The following IL12RB1 variants were observed in gnomAD, a reference collection of about 807,000 sequenced individuals.
IL12RB1 encodes interleukin 12 receptor subunit beta 1.
IL12RB1 carries 64 observed loss-of-function variants against 94.4 expected under a neutral mutation model. That is an observed-to-expected ratio of 0.68 (90% CI 0.55 to 0.83). The LOEUF is 0.83. Ranked by LOEUF, IL12RB1 falls within the 40% of genes least tolerant of loss-of-function variation. IL12RB1 has a pLI of 0.00. For missense variants in IL12RB1, 814 were observed against 855.6 expected (o/e 0.95, Z 0.61); for synonymous variants, 362 against 355.5 (o/e 1.02, Z -0.21).
At position 18,060,090 on chromosome 19, in the gene IL12RB1, A is replaced by G. The variant is rs376108993; in HGVS notation, c.1792-5T>C. 6.4e-6 allele frequency: 10 copies of G among 1,565,034 alleles called. No homozygotes were observed. The highest frequency in any genetic ancestry group is 2.7e-5 in the African/African-American group (2 of 73,946). ...TGGGTTGATCCACTGCCAAGTCTGC[A>G]GAGGGAGGGTAGGGCCACAGCTGTG... On this transcript the variant is annotated splice_polypyrimidine_tract_variant and splice_region_variant and intron_variant, in intron 15 of 16. Transcript: ENST00000593993.
In IL12RB1 at chr19:18,069,437, T is replaced by C. The variant is rs1053147832; in HGVS notation, c.1189+109A>G. 1.8e-5 allele frequency: 19 copies of C among 1,082,636 alleles called. No individual in the cohort carries two copies. In the African/African-American group the frequency reaches 2.8e-4, roughly 16 times the overall value. 67.1% of individuals were successfully genotyped at this position (1,082,636 alleles called of 1,614,324 possible). On this transcript the variant is annotated intron_variant, in intron 10 of 16. Transcript: ENST00000593993. ...GACATTGAGTAAGCAGCAACACCTCTCTGGGCCTTAGACACCCGCTGTGTG... is the reference window on the plus strand; with the variant it reads ...GACATTGAGTAAGCAGCAACACCTCCCTGGGCCTTAGACACCCGCTGTGTG...
chr19:18,097,649 G>C, intron 1 of IL12RB1: 1 of 398,612 alleles, frequency 2.5e-6, no homozygotes, highest in East Asian at 4.7e-5. Context: ...CGCCCAGTGG[G>C]GGCGGGGCCC....
At chr19:18,083,232 T>A in intron 2 of IL12RB1, 200 bp downstream of exon 2, 1 of 664,556 alleles carries the variant, frequency 1.5e-6, no homozygotes, top group East Asian at 2.7e-5. Context: ...AGTGATAATG[T>A]TCAGAGAGGC....
intron 13 of IL12RB1, 33 bp downstream of exon 13, chr19:18,063,843 G>T: frequency 6.2e-7 from 1 of 1,600,950 alleles, no homozygotes; most frequent in Non-Finnish European, 8.5e-7. Flanking sequence ...GTGCATGCTG[G>T]GTAAATAACT....
At chr19:18,083,283 G>A in intron 2 of IL12RB1, 149 bp downstream of exon 2, 2 of 789,442 alleles carry the variant, frequency 2.5e-6, no homozygotes, top group Admixed American at 1.8e-5. Flanking sequence ...GTAAGAATGG[G>A]CCAGCAGGTG....
intron 1 of IL12RB1, among the ~76,000 whole-genome samples, chr19:18,086,042 G>A (rs535506188): frequency 3.9e-5 from 6 of 151,970 alleles, no homozygotes; most frequent in South Asian, 4.2e-4. Flanking sequence ...ACAGCGAGAC[G>A]CTGTCTCTGT....
At chr19:18,075,073 C>CAACA (rs201783878) in intron 7 of IL12RB1, among the ~76,000 whole-genome samples, 6 of 150,500 alleles carry the variant, frequency 4.0e-5, no homozygotes, top group Middle Eastern at 3.2e-3. Flanking sequence ...CAACAAAAAA[C>CAACA]AACAAACAAA....
At chr19:18,083,728 GAATTCATC>G (rs1433913348) in intron 1 of IL12RB1, among the ~76,000 whole-genome samples, 3 of 146,580 alleles carry the variant, frequency 2.0e-5, no homozygotes, top group South Asian at 2.2e-4. Flanking sequence ...ATCCACCCAT[GAATTCATC>G]CATTCACCCA....
At chr19:18,063,780 G>A (rs952234872) in intron 13 of IL12RB1, 96 bp downstream of exon 13, 1 of 1,131,656 alleles carries the variant, frequency 8.8e-7, no homozygotes, top group South Asian at 1.5e-5. Flanking sequence ...GAGCCATAGA[G>A]GGAGTGAGAG....
intron 14 of IL12RB1, 149 bp downstream of exon 14, chr19:18,062,032 A>G (rs372966671): frequency 1.1e-5 from 7 of 613,368 alleles, no homozygotes; most frequent in Middle Eastern, 3.2e-4. Context: ...TGCTGCTTCA[A>G]TAAAGCTGTT....
intron 11 of IL12RB1, among the ~76,000 whole-genome samples, chr19:18,067,900 T>C (rs2034707553): frequency 6.6e-6 from 1 of 151,956 alleles, no homozygotes; most frequent in South Asian, 2.1e-4. Flanking sequence ...CTTGCTATGT[T>C]GCCCAGGCTG....
intron 11 of IL12RB1, among the ~76,000 whole-genome samples, chr19:18,067,653 A>C (rs2034689583): frequency 6.6e-6 from 1 of 152,072 alleles, no homozygotes; most frequent in African/African-American, 2.4e-5. Flanking sequence ...GATACAAAAA[A>C]TTATCCAGGC....
At chr19:18,067,476 C>T (rs1205891126) in intron 11 of IL12RB1, among the ~76,000 whole-genome samples, 1 of 152,004 alleles carries the variant, frequency 6.6e-6, no homozygotes, top group African/African-American at 2.4e-5. Context: ...ACTGTCATTT[C>T]CCTTCCCTGG....
upstream of IL12RB1, among the ~76,000 whole-genome samples, chr19:18,088,565 TAAAAA>T (rs778266743): frequency 7.7e-6 from 1 of 129,638 alleles, no homozygotes; most frequent in African/African-American, 2.9e-5. Context: ...TCCTGTCTCT[TAAAAA>T]AAAAAAAAAA....
upstream of IL12RB1, among the ~76,000 whole-genome samples, chr19:18,089,437 C>T (rs1281377300): frequency 3.9e-5 from 6 of 151,974 alleles, no homozygotes; most frequent in African/African-American, 1.4e-4. Context: ...CCAGCCTGGA[C>T]AACACAGTGA....
In IL12RB1 at chr19:18,080,810, G is replaced by A. The variant is rs147065674; in HGVS notation, c.409+22C>T. ...TGGCCTCTCTGGGTAAAAAACGGAC[G>A]GGGGGAGAACAAGGTGCTAACCTGA... On this transcript the variant is annotated intron_variant, in intron 4 of 16. Transcript: ENST00000593993. 9.3e-5 allele frequency: 144 copies of A among 1,550,396 alleles called. No homozygotes were observed. In the African/African-American group the frequency reaches 1.4e-3, roughly 16 times the overall value.
At chr19:18,089,624 C>CAAAA (rs751947388), upstream of IL12RB1, among the ~76,000 whole-genome samples, 1 of 113,466 alleles carries the variant, frequency 8.8e-6, no homozygotes, top group Non-Finnish European at 1.9e-5. Flanking sequence ...GACTATGTCT[C>CAAAA]AAAAAAAAAA....
rs751615337 is a variant in IL12RB1, at chr19:18,061,117, C to T, written c.1791+5G>A. The T allele has an allele frequency of 2.0e-6, 3 of 1,535,622 alleles. No homozygotes were observed. The highest frequency in any genetic ancestry group is 1.7e-5 in the Admixed American group (1 of 58,008). ...AAGACTTGGAATTAGAAAAGGCATC[C>T]TTACCTCCTTCCCTCCAGGGAACTC... is the stretch of plus-strand genomic sequence containing the variant. On this transcript the variant is annotated splice_donor_5th_base_variant and intron_variant, in intron 15 of 16. Coordinates refer to ENST00000593993, the MANE Select transcript of IL12RB1 (RefSeq NM_005535.3).
chr19:18,087,507 G>A (rs2036421322), upstream of IL12RB1, among the ~76,000 whole-genome samples: 5 of 151,856 alleles, frequency 3.3e-5, no homozygotes, highest in African/African-American at 1.2e-4. Context: ...ACCGTGCCTG[G>A]CTGCCAAATT....
Sources: allele counts gnomAD v4.1 joint callset (sites outside exome capture counted in the v4.1 genomes callset), GRCh38; gene constraint gnomAD v4.1.1; transcripts MANE v1.5; gene names NCBI Gene and HGNC (gene_info 2026-07-23, HGNC 2026-07-21).